The following PACSIN2 variants were observed in gnomAD, a reference collection of about 807,000 sequenced individuals.
PACSIN2 encodes the protein protein kinase C and casein kinase substrate in neurons protein 2.
In PACSIN2, 25 loss-of-function variants were observed where a neutral mutation model predicts 63.8. The observed-to-expected ratio is 0.39, with a 90% confidence interval of 0.29 to 0.55. The LOEUF (loss-of-function observed/expected upper bound fraction) is 0.55, where lower values mean the gene tolerates loss of function less well. Among genes scored for constraint, PACSIN2 ranks in the 20% least tolerant of loss-of-function variants. The pLI is 0.62. For synonymous variants in PACSIN2, 255 were observed against 256.2 expected, an observed-to-expected ratio of 1.00 and a Z score of 0.05; for missense variants, 518 against 646.9, an observed-to-expected ratio of 0.80 and a Z score of 2.16.
At chr22:43,000,986 A>T (rs984044379) in intron 1 of PACSIN2, among the ~76,000 whole-genome samples, 10 of 152,220 alleles carry the variant, frequency 6.6e-5, no homozygotes, top group African/African-American at 2.2e-4. Context: ...AGGCCTAAAA[A>T]GCAGAAGGCA....
In PACSIN2 at chr22:42,871,664, A is replaced by T. The variant is rs2146614805; in HGVS notation, c.1349-195T>A. ...CTCTTTGGTCATGGGCCTCTGACAGACCTAGAGATGACAGTCTCACACAGT... is the reference window on the plus strand; with the variant it reads ...CTCTTTGGTCATGGGCCTCTGACAGTCCTAGAGATGACAGTCTCACACAGT... On this transcript the variant is annotated intron_variant, in intron 10 of 10. Coordinates refer to ENST00000263246, the MANE Select transcript of PACSIN2 (RefSeq NM_001184970.3). The surrounding 1 kb of genome is among the most constrained non-coding windows in gnomAD (Gnocchi z 5.4). Among the ~76,000 whole-genome samples, 1 of 152,088 alleles carries T rather than the reference A, an allele frequency of 6.6e-6. No homozygotes were observed. Among genetic ancestry groups the T allele is most frequent in the Non-Finnish European group, 1.5e-5 (1 of 67,978 alleles).
intron 7 of PACSIN2, 131 bp from the exon 8 acceptor site, chr22:42,879,300 C>T: frequency 1.0e-6 from 1 of 970,160 alleles, no homozygotes; most frequent in South Asian, 1.8e-5. Context: ...AGGGCCCCAG[C>T]TCTCCCTGGT....
At chr22:42,918,443 A>G (rs1931954136) in intron 1 of PACSIN2, among the ~76,000 whole-genome samples, 1 of 152,222 alleles carries the variant, frequency 6.6e-6, no homozygotes, top group South Asian at 2.1e-4. Context: ...TCTCAGCACC[A>G]ACAGATGGGT....
At chr22:42,997,950 A>C (rs569209691) in intron 1 of PACSIN2, among the ~76,000 whole-genome samples, 30 of 152,328 alleles carry the variant, frequency 2.0e-4, no homozygotes, top group Non-Finnish European at 3.5e-4. Flanking sequence ...TCAGAACACC[A>C]GTGACCACCG....
chr22:42,891,688 G>A (rs993928084), intron 3 of PACSIN2, among the ~76,000 whole-genome samples: 2 of 152,308 alleles, frequency 1.3e-5, no homozygotes. Context: ...TTACAGGCGT[G>A]AGCCACCGCG....
chr22:42,987,142 C>G, intron 1 of PACSIN2, among the ~76,000 whole-genome samples: 1 of 152,030 alleles, frequency 6.6e-6, no homozygotes, highest in East Asian at 1.9e-4. Context: ...CACAAAACAC[C>G]AAGACTGACC....
chr22:42,970,925 G>A (rs1921209816), intron 1 of PACSIN2, among the ~76,000 whole-genome samples: 1 of 152,068 alleles, frequency 6.6e-6, no homozygotes. Context: ...CAGCGACCCA[G>A]GCTCCCTGCA....
chr22:42,892,606 G>A (rs1929991739), intron 3 of PACSIN2, among the ~76,000 whole-genome samples: 1 of 152,140 alleles, frequency 6.6e-6, no homozygotes, highest in Non-Finnish European at 1.5e-5. Flanking sequence ...CCTATCCTAG[G>A]CCCCTCCTCT....
At chr22:42,933,378 TG>T (rs2146780786) in intron 1 of PACSIN2, among the ~76,000 whole-genome samples, 1 of 152,344 alleles carries the variant, frequency 6.6e-6, no homozygotes, top group African/African-American at 2.4e-5. Context: ...AGCCCAGCAT[TG>T]TTTTTCTCTG....
At chr22:43,003,332 C>T (rs1180612688) in intron 1 of PACSIN2, among the ~76,000 whole-genome samples, 6 of 152,126 alleles carry the variant, frequency 3.9e-5, no homozygotes, top group East Asian at 1.9e-4. Flanking sequence ...ATCGGCTGGG[C>T]GCGGTGGCTC....
intron 1 of PACSIN2, among the ~76,000 whole-genome samples, chr22:42,978,074 C>T (rs1347532837): frequency 6.6e-6 from 1 of 152,188 alleles, no homozygotes; most frequent in Non-Finnish European, 1.5e-5. Context: ...CAGAGTACAA[C>T]ACTCACTCAC....
At chr22:43,013,471 A>C (rs1052721789) in intron 1 of PACSIN2, among the ~76,000 whole-genome samples, 1 of 152,240 alleles carries the variant, frequency 6.6e-6, no homozygotes, top group African/African-American at 2.4e-5. Context: ...AGGTGAATCA[A>C]GAGAGATCCA....
At chr22:43,004,362 A>C (rs1264867158) in intron 1 of PACSIN2, among the ~76,000 whole-genome samples, 1 of 151,978 alleles carries the variant, frequency 6.6e-6, no homozygotes, top group Non-Finnish European at 1.5e-5. Context: ...CTGACTCTGC[A>C]CCCCCCACGC....
At chr22:42,911,906 G>C in intron 2 of PACSIN2, 115 bp downstream of exon 2, 1 of 721,750 alleles carries the variant, frequency 1.4e-6, no homozygotes, top group Admixed American at 2.7e-5. Flanking sequence ...CAAATGCATG[G>C]CTGGTTTGGG....
At chr22:42,911,387 G>A (rs1408845727) in intron 2 of PACSIN2, among the ~76,000 whole-genome samples, 2 of 146,128 alleles carry the variant, frequency 1.4e-5, no homozygotes, top group East Asian at 4.0e-4. Context: ...TCCAGCCTGC[G>A]CTCTCGAGAC....
At chr22:42,934,890 C>CTTT (rs1569293369) in intron 1 of PACSIN2, among the ~76,000 whole-genome samples, 2 of 95,128 alleles carry the variant, frequency 2.1e-5, no homozygotes, top group African/African-American at 8.8e-5. Context: ...TTTCTTTTCT[C>CTTT]TTTCTTTTCT....
At chr22:42,943,066 A>G (rs1245908363) in intron 1 of PACSIN2, among the ~76,000 whole-genome samples, 2 of 152,186 alleles carry the variant, frequency 1.3e-5, no homozygotes, top group South Asian at 4.1e-4. Flanking sequence ...TTTTAAATTT[A>G]TTTCAACAAT....
intron 1 of PACSIN2, among the ~76,000 whole-genome samples, chr22:42,982,880 A>AAC (rs1922297897): frequency 7.5e-6 from 1 of 134,012 alleles, no homozygotes; most frequent in African/African-American, 2.9e-5. Flanking sequence ...AAAAAAAAAA[A>AAC]AAAAAAAAAA....
At chr22:42,919,001 C>T (rs577788230) in intron 1 of PACSIN2, among the ~76,000 whole-genome samples, 1 of 152,304 alleles carries the variant, frequency 6.6e-6, no homozygotes, top group African/African-American at 2.4e-5. Context: ...TTCATTCATT[C>T]TTCCAGGTTG....
Sources: allele counts gnomAD v4.1 joint callset (sites outside exome capture counted in the v4.1 genomes callset), GRCh38; gene constraint gnomAD v4.1.1; non-coding constraint Gnocchi (gnomAD v3.1); transcripts MANE v1.5; gene names NCBI Gene and HGNC (gene_info 2026-07-23, HGNC 2026-07-21).